The following PLA2R1 variants were observed in gnomAD, a reference collection of about 807,000 sequenced individuals.
PLA2R1 encodes the protein secretory phospholipase A2 receptor.
Under a neutral mutation model 195.9 loss-of-function variants are expected in PLA2R1, and 158 were observed. The ratio of observed to expected loss-of-function variants is 0.81; its 90% CI spans 0.71 to 0.92. The LOEUF is 0.92. Ranked by LOEUF, PLA2R1 falls within the 40% of genes least tolerant of loss-of-function variation. The pLI is 0.00. For missense variants in PLA2R1, 1,626 were observed against 1,764.6 expected, an observed-to-expected ratio of 0.92 and a Z score of 1.41; for synonymous variants, 586 against 598.2, an observed-to-expected ratio of 0.98 and a Z score of 0.30.
At chr2:160,030,020 G>A (rs187452533) in intron 4 of PLA2R1, among the ~76,000 whole-genome samples, 1 of 152,212 alleles carries the variant, frequency 6.6e-6, no homozygotes, top group Admixed American at 6.5e-5. Flanking sequence ...GGTTCATGCT[G>A]GTATTTCCAG....
intron 15 of PLA2R1, 132 bp downstream of exon 15, chr2:159,977,152 T>C (rs1053512848): frequency 1.5e-6 from 1 of 676,010 alleles, no homozygotes; most frequent in Non-Finnish European, 2.4e-6. Context: ...ATAGAAACAT[T>C]TTTTGCTAAA....
intron 3 of PLA2R1, among the ~76,000 whole-genome samples, chr2:160,040,981 T>G (rs1694487415): frequency 6.6e-6 from 1 of 152,202 alleles, no homozygotes; most frequent in South Asian, 2.1e-4. Flanking sequence ...ACATTTTATG[T>G]CTGAGGAAAC....
chr2:159,974,742 CTGAG>C (rs34165632), intron 17 of PLA2R1, among the ~76,000 whole-genome samples: 26,466 of 152,016 alleles, frequency 0.17, 5,359 homozygotes, highest in African/African-American at 0.49. Context: ...TGTTCTGCAA[CTGAG>C]TGTCTATGGG....
chr2:159,965,934 A>T (rs1688758496), intron 20 of PLA2R1, among the ~76,000 whole-genome samples: 1 of 152,200 alleles, frequency 6.6e-6, no homozygotes, highest in Non-Finnish European at 1.5e-5. Context: ...GGCATAGGAA[A>T]GGGGCAAGAC....
In PLA2R1 at chr2:159,939,471, A is replaced by C; in HGVS notation, c.*2307T>G. On this transcript the variant is annotated 3_prime_UTR_variant, in exon 30 of 30. Coordinates refer to ENST00000283243, the MANE Select transcript of PLA2R1 (RefSeq NM_007366.5). Reference sequence around the variant, plus strand: ...CAGTGAGCTGAGATCATGCCACTGTACTCCTGCCTGGCAACAGAGCAAGAC... The same window carrying C: ...CAGTGAGCTGAGATCATGCCACTGTCCTCCTGCCTGGCAACAGAGCAAGAC... The C allele has an allele frequency of 6.9e-6, 1 of 145,130 alleles. No homozygotes were observed. Among genetic ancestry groups the C allele is most frequent in the African/African-American group, 2.6e-5 (1 of 39,174 alleles). The allele number at this position is 145,130 out of a possible 1,614,324, so 9.0% of individuals were successfully genotyped here.
At chr2:159,931,392 G>A (rs1176989880), downstream of PLA2R1, among the ~76,000 whole-genome samples, 1 of 152,080 alleles carries the variant, frequency 6.6e-6, no homozygotes, top group Non-Finnish European at 1.5e-5. Flanking sequence ...TAATAAGGTG[G>A]GCATGGTGGT....
intron 28 of PLA2R1, among the ~76,000 whole-genome samples, chr2:159,943,558 T>TA (rs1231938546): frequency 1.3e-5 from 2 of 152,292 alleles, no homozygotes; most frequent in East Asian, 1.9e-4. Flanking sequence ...TTAGAAAACT[T>TA]AGAGTTTTCT....
intron 20 of PLA2R1, among the ~76,000 whole-genome samples, chr2:159,960,751 A>G (rs191557880): frequency 5.5e-4 from 84 of 152,316 alleles, no homozygotes; most frequent in Admixed American, 2.2e-3. Context: ...AGAGAAAACT[A>G]TTTATGAGAC....
intron 12 of PLA2R1, 23 bp downstream of exon 12, chr2:159,987,133 T>C: frequency 6.5e-7 from 1 of 1,546,920 alleles, no homozygotes; most frequent in Non-Finnish European, 8.9e-7. Flanking sequence ...CTGTTAAGAA[T>C]GTCCATGTAA....
rs774573928 is a variant in PLA2R1 at position 160,045,064 on chromosome 2, T to TTTGC, written c.199_202dup (p.Asn68SerfsTer17). ...AACCCATTTCCACAGCATGTGCTTG[T>TTTGC]TTGCTTGCTTGCAGTTCTCCAGGGT... On this transcript the variant is annotated frameshift_variant, in exon 2 of 30. Coordinates refer to ENST00000283243, the MANE Select transcript of PLA2R1 (RefSeq NM_007366.5). LOFTEE classifies it high-confidence loss of function. 6.2e-7 allele frequency: 1 copy of TTTGC among 1,614,126 alleles called. No individual in the cohort carries two copies. Among genetic ancestry groups the TTTGC allele is most frequent in the South Asian group, 1.1e-5 (1 of 91,084 alleles).
At chr2:159,962,998 G>A (rs1688556110) in intron 20 of PLA2R1, among the ~76,000 whole-genome samples, 1 of 152,036 alleles carries the variant, frequency 6.6e-6, no homozygotes, top group Admixed American at 6.6e-5. Flanking sequence ...AAAATTGCAT[G>A]TTCTACACAT....
chr2:160,053,124 G>A (rs1196804718), intron 1 of PLA2R1, among the ~76,000 whole-genome samples: 1 of 152,130 alleles, frequency 6.6e-6, no homozygotes, highest in Non-Finnish European at 1.5e-5. Flanking sequence ...AGGGCTATGA[G>A]GGAAGGATGG....
At chr2:159,943,713 G>A (rs963951229) in intron 28 of PLA2R1, among the ~76,000 whole-genome samples, 5 of 152,268 alleles carry the variant, frequency 3.3e-5, no homozygotes, top group African/African-American at 1.2e-4. Flanking sequence ...TTAAAGTCCT[G>A]TAAGACATGA....
chr2:160,013,350 C>G lies in PLA2R1; in HGVS notation c.1577G>C (p.Cys526Ser). ...TCGAAGGACTGTGTCAATTTTGTAACAGAATCCACCATGTCTCTCCCATCC... is the reference window on the plus strand; with the variant it reads ...TCGAAGGACTGTGTCAATTTTGTAAGAGAATCCACCATGTCTCTCCCATCC... ...QEGWERHGGF[C>S]YKIDTVLRSF... is the part of the protein sequence containing the mutation. Residue 526 changes from cysteine (C) to serine (S), a missense_variant, in exon 10 of 30, where the codon TGT becomes TCT. Transcript: ENST00000283243. 6.2e-7 allele frequency: 1 copy of G among 1,606,198 alleles called. No individual in the cohort carries two copies. Among genetic ancestry groups the G allele is most frequent in the South Asian group, 1.1e-5 (1 of 90,776 alleles).
At chr2:159,946,514 G>A (rs1242711449) in intron 27 of PLA2R1, 46 of 1,084,834 alleles carry the variant, frequency 4.2e-5, no homozygotes, top group Non-Finnish European at 5.0e-5. Context: ...GGTATGCAAT[G>A]ACTAAGTCTG....
intron 6 of PLA2R1, among the ~76,000 whole-genome samples, chr2:160,023,189 C>T (rs993595193): frequency 6.6e-6 from 1 of 152,152 alleles, no homozygotes; most frequent in African/African-American, 2.4e-5. Flanking sequence ...GCAACTCCAT[C>T]TTGTTTAGGA....
At chr2:160,033,722 C>A (rs895804130) in intron 3 of PLA2R1, among the ~76,000 whole-genome samples, 1 of 152,130 alleles carries the variant, frequency 6.6e-6, no homozygotes, top group Non-Finnish European at 1.5e-5. Flanking sequence ...GCATAGTGTG[C>A]TCAAAAGGAA....
At chr2:159,929,769 T>C (rs1341826101), downstream of PLA2R1, among the ~76,000 whole-genome samples, 1 of 151,932 alleles carries the variant, frequency 6.6e-6, no homozygotes, top group Non-Finnish European at 1.5e-5. Flanking sequence ...CATCAATCAA[T>C]GAGTGGATAA....
chr2:160,037,874 C>A (rs1382839726), intron 3 of PLA2R1, among the ~76,000 whole-genome samples: 1 of 152,170 alleles, frequency 6.6e-6, no homozygotes, highest in African/African-American at 2.4e-5. Flanking sequence ...GAACTTATGA[C>A]AAACTGTAAT....
Sources: allele counts gnomAD v4.1 joint callset (sites outside exome capture counted in the v4.1 genomes callset), GRCh38; gene constraint gnomAD v4.1.1; transcripts MANE v1.5; gene names NCBI Gene and HGNC (gene_info 2026-07-23, HGNC 2026-07-21).